Variants in SH3GLB2 observed in about 807,000 individuals in gnomAD.
The protein encoded by SH3GLB2 is endophilin-B2.
A neutral mutation model predicts 48.0 loss-of-function variants in SH3GLB2; 24 were observed. The ratio of observed to expected loss-of-function variants is 0.50; its 90% CI spans 0.36 to 0.70. The LOEUF is 0.70. Among genes scored for constraint, SH3GLB2 ranks in the 30% least tolerant of loss-of-function variants. SH3GLB2 has a pLI of 0.00. For missense variants in SH3GLB2, 425 were observed against 516.0 expected, an observed-to-expected ratio of 0.82 and a Z score of 1.71; for synonymous variants, 227 against 207.6, an observed-to-expected ratio of 1.09 and a Z score of -0.80.
intron 5 of SH3GLB2, chr9:129,013,069 T>TA (rs1843217145): frequency 6.5e-7 from 1 of 1,549,994 alleles, no homozygotes; most frequent in African/African-American, 1.4e-5. Context: ...AACAAAGAGT[T>TA]AGTGAGTCCA....
At chr9:129,012,109 C>T (rs1843158250) in intron 6 of SH3GLB2, 127 bp downstream of exon 6, 1 of 526,228 alleles carries the variant, frequency 1.9e-6, no homozygotes. Flanking sequence ...TCAGGACTGA[C>T]CTGATCACAT....
chr9:129,012,851 C>T (rs1049655651), intron 5 of SH3GLB2: 1 of 851,050 alleles, frequency 1.2e-6, no homozygotes, highest in East Asian at 2.7e-5. Flanking sequence ...GCCTGGCATC[C>T]CCCCCTAAAC....
chr9:129,012,663 AAC>A, intron 5 of SH3GLB2: 1 of 470,594 alleles, frequency 2.1e-6, no homozygotes, highest in Non-Finnish European at 3.8e-6. Flanking sequence ...GGGTCCCGCA[AAC>A]ACAGCCCACC....
chr9:129,012,782 T>C, intron 5 of SH3GLB2: 1 of 589,258 alleles, frequency 1.7e-6, no homozygotes, highest in Non-Finnish European at 3.0e-6. Context: ...GATGGATGCA[T>C]GGGCAGACAG....
chr9:129,019,929 T>G (rs538313743), intron 3 of SH3GLB2, among the ~76,000 whole-genome samples: 1 of 149,672 alleles, frequency 6.7e-6, no homozygotes, highest in South Asian at 2.1e-4. Context: ...TCCAGCCGGG[T>G]GCGGTGGCTC....
chr9:129,018,065 CT>C (rs1843546756), intron 3 of SH3GLB2, among the ~76,000 whole-genome samples: 1 of 152,132 alleles, frequency 6.6e-6, no homozygotes, highest in Admixed American at 6.6e-5. Context: ...GCACTCCAGC[CT>C]GGGCGACAGA....
At chr9:129,022,194 C>T in intron 2 of SH3GLB2, 88 bp downstream of exon 2, 1 of 1,544,574 alleles carries the variant, frequency 6.5e-7, no homozygotes, top group Middle Eastern at 2.4e-4. Context: ...GCAGCCCCGC[C>T]CCACCTATGC....
Position 129,014,603 on chromosome 9 carries a change from AG to A in SH3GLB2, c.469-101del. On this transcript the variant is annotated intron_variant, in intron 4 of 10. Coordinates refer to ENST00000372564, the MANE Select transcript of SH3GLB2 (RefSeq NM_020145.4). The surrounding 1 kb of genome is among the most constrained non-coding windows in gnomAD (Gnocchi z 4.1). The stretch of plus-strand genomic sequence containing the variant: ...GTGCCGGGGACGATCAAGTCAAGAT[AG>A]GGAAACTGAGGCCCAGAGATAGGAG... 1.3e-6 allele frequency: 2 copies of A among 1,482,502 alleles called. No individual in the cohort carries two copies. Among genetic ancestry groups the A allele is most frequent in the Non-Finnish European group, 1.9e-6 (2 of 1,079,056 alleles). 91.8% of individuals were successfully genotyped at this position (1,482,502 alleles called of 1,614,324 possible).
intron 1 of SH3GLB2, among the ~76,000 whole-genome samples, chr9:129,024,290 G>C (rs1049279684): frequency 6.7e-6 from 1 of 149,756 alleles, no homozygotes; most frequent in Non-Finnish European, 1.5e-5. Context: ...AGCCCGGCAC[G>C]GTGGCTTATG....
At chr9:129,028,033 G>T in intron 1 of SH3GLB2, 59 bp downstream of exon 1, 1 of 1,463,310 alleles carries the variant, frequency 6.8e-7, no homozygotes, top group Non-Finnish European at 9.0e-7. Flanking sequence ...CTGCCGCAGG[G>T]TGCTCCCCGC....
chr9:129,013,139 C>T (rs867039018), intron 5 of SH3GLB2: 13 of 1,108,396 alleles, frequency 1.2e-5, no homozygotes, highest in Middle Eastern at 2.0e-4. Flanking sequence ...GGCGGTCGGG[C>T]GGAGGGAGGC....
At chr9:129,020,955 G>C in intron 3 of SH3GLB2, 136 bp downstream of exon 3, 1 of 1,073,132 alleles carries the variant, frequency 9.3e-7, no homozygotes, top group Non-Finnish European at 1.2e-6. Flanking sequence ...TTTTTTCTGC[G>C]TAGAGTTTTT....
intron 8 of SH3GLB2, 83 bp downstream of exon 8, chr9:129,010,037 G>T: frequency 6.8e-7 from 1 of 1,469,172 alleles, no homozygotes; most frequent in African/African-American, 1.4e-5. Context: ...GCCATTCTGG[G>T]GCAGCCCTGC....
intron 1 of SH3GLB2, among the ~76,000 whole-genome samples, chr9:129,023,830 C>T (rs1002269295): frequency 6.6e-6 from 1 of 152,168 alleles, no homozygotes; most frequent in Non-Finnish European, 1.5e-5. Flanking sequence ...GGCCTCCCTC[C>T]CCCACCCTGG....
intron 3 of SH3GLB2, chr9:129,015,919 A>T (rs1843393162): frequency 4.1e-6 from 1 of 242,110 alleles, no homozygotes; most frequent in Non-Finnish European, 8.7e-6. Context: ...CACATACAAG[A>T]GAGCTAAAAT....
rs1046876182 is a variant in SH3GLB2, at chr9:129,014,197, C to A, written c.561+214G>T. 6.6e-6 allele frequency among the ~76,000 whole-genome samples: 1 copy of A among 152,030 alleles called. No homozygotes were observed. Among genetic ancestry groups the A allele is most frequent in the Non-Finnish European group, 1.5e-5 (1 of 67,992 alleles). On this transcript the variant is annotated intron_variant, in intron 5 of 10. Coordinates refer to ENST00000372564, the MANE Select transcript of SH3GLB2 (RefSeq NM_020145.4). The surrounding 1 kb of genome is among the most constrained non-coding windows in gnomAD (Gnocchi z 4.1). ...GGGGGCACTGCTGGTCCGCCCACACCGTAGATATCTCCCTGGGAACCAGAG... is the reference window on the plus strand; with the variant it reads ...GGGGGCACTGCTGGTCCGCCCACACAGTAGATATCTCCCTGGGAACCAGAG...
chr9:129,017,403 C>T (rs952152410), intron 3 of SH3GLB2, among the ~76,000 whole-genome samples: 5 of 152,192 alleles, frequency 3.3e-5, no homozygotes, highest in African/African-American at 9.6e-5. Flanking sequence ...GAACCTAGGA[C>T]ATTCCCCAGA....
rs1564572926 is a variant in SH3GLB2 at position 129,008,393 on chromosome 9, G to A, written c.*291C>T. On this transcript the variant is annotated 3_prime_UTR_variant, in exon 11 of 11. Transcript: ENST00000372564. ...CCCCACCCTGGCCTAGGTGCTGAGT[G>A]CAGCTGCTGCAGACAGCCCCTCCCT... The A allele has an allele frequency of 5.2e-6, 2 of 387,478 alleles. No individual in the cohort carries two copies. Among genetic ancestry groups the A allele is most frequent in the Non-Finnish European group, 9.9e-6 (2 of 202,232 alleles). The allele number at this position is 387,478 out of a possible 1,614,324, so 24.0% of individuals were successfully genotyped here.
intron 5 of SH3GLB2, chr9:129,013,092 G>A: frequency 1.3e-6 from 2 of 1,534,706 alleles, no homozygotes; most frequent in Non-Finnish European, 1.8e-6. Flanking sequence ...GCGCAGGCAG[G>A]AGCAGGCCCC....
Sources: gnomAD v4.1 joint callset for allele counts (sites outside exome capture counted in the v4.1 genomes callset) on GRCh38, gnomAD v4.1.1 for gene constraint, Gnocchi (gnomAD v3.1) non-coding constraint, MANE v1.5 for transcripts, NCBI Gene and HGNC (gene_info 2026-07-23, HGNC 2026-07-21) for gene names.